SLC16A7: variants seen among roughly 807,000 people sequenced by gnomAD.
SLC16A7 encodes solute carrier family 16 member 7.
Under a neutral mutation model 34.9 loss-of-function variants are expected in SLC16A7, and 33 were observed. That is an observed-to-expected ratio of 0.94 (90% CI 0.72 to 1.26). The LOEUF is 1.26. Ranked by LOEUF, SLC16A7 falls within the 50% of genes most tolerant of loss-of-function variation. The probability of loss-of-function intolerance (pLI) is 0.00; values close to 1 mark genes in which losing one functional copy is unlikely to be tolerated. For synonymous variants in SLC16A7, 201 were observed against 206.6 expected, an observed-to-expected ratio of 0.97 and a Z score of 0.23; for missense variants, 573 against 578.1, an observed-to-expected ratio of 0.99 and a Z score of 0.09.
At chr12:59,745,853 G>C (rs1878836399) in intron 3 of SLC16A7, among the ~76,000 whole-genome samples, 1 of 152,150 alleles carries the variant, frequency 6.6e-6, no homozygotes, top group Non-Finnish European at 1.5e-5. Context: ...TCAGTGCCTA[G>C]AGCTATGTTT....
At chr12:59,708,173 A>G (rs1021073480) in intron 3 of SLC16A7, among the ~76,000 whole-genome samples, 4 of 152,110 alleles carry the variant, frequency 2.6e-5, no homozygotes, top group Non-Finnish European at 5.9e-5. Context: ...AGTCTGATAT[A>G]GTCAGTTAAT....
At chr12:59,660,541 CAA>C (rs201006070) in intron 2 of SLC16A7, among the ~76,000 whole-genome samples, 9 of 111,476 alleles carry the variant, frequency 8.1e-5, no homozygotes, top group African/African-American at 1.4e-4. Flanking sequence ...CTTGTCTCTA[CAA>C]AAAAAAAAAA....
intron 1 of SLC16A7, among the ~76,000 whole-genome samples, chr12:59,610,134 G>T (rs943551514): frequency 4.5e-4 from 69 of 151,958 alleles, no homozygotes; most frequent in African/African-American, 1.6e-3. Flanking sequence ...CTCCCTCTTT[G>T]CACACACAAT....
chr12:59,771,326 G>T lies in SLC16A7; in HGVS notation c.325G>T (p.Val109Leu), dbSNP rs768677776. Residue 109 changes from valine (V) to leucine (L), a missense_variant, in exon 4 of 6, where the codon GTG becomes TTG. Transcript: ENST00000547379. ...GGTGTTGGCCTCCTTTAGTAGCAGC[G>T]TGGTACAGCTGTACCTCACTATGGG... Reference protein sequence around the residue: ...GMVLASFSSSVVQLYLTMGFI... With the variant: ...GMVLASFSSSLVQLYLTMGFI... The T allele has an allele frequency of 6.2e-7, 1 of 1,612,428 alleles. No homozygotes were observed. Among genetic ancestry groups the T allele is most frequent in the Non-Finnish European group, 8.5e-7 (1 of 1,179,110 alleles).
Position 59,629,095 on chromosome 12 carries a change from T to C in SLC16A7, c.-129-26057T>C, listed in dbSNP as rs149940965. ...CCATCTTCTTGCTGTCCTCACATCATAGGCCTGGGAGAAGCCAGCAAGTTC... is the reference window on the plus strand; with the variant it reads ...CCATCTTCTTGCTGTCCTCACATCACAGGCCTGGGAGAAGCCAGCAAGTTC... On this transcript the variant is annotated intron_variant, in intron 1 of 5. Transcript: ENST00000547379. 6.3e-3 allele frequency among the ~76,000 whole-genome samples: 962 copies of C among 151,926 alleles called. 5 individuals are homozygous for C. Among genetic ancestry groups the C allele is most frequent in the Middle Eastern group, 0.014 (4 of 294 alleles).
intron 3 of SLC16A7, among the ~76,000 whole-genome samples, chr12:59,754,272 G>A (rs781244676): frequency 1.2e-4 from 19 of 152,064 alleles, no homozygotes; most frequent in Non-Finnish European, 2.8e-4. Flanking sequence ...AGAACTGAAG[G>A]AAATAGAGAC....
intron 3 of SLC16A7, chr12:59,720,329 T>C: frequency 2.0e-6 from 1 of 489,566 alleles, no homozygotes; most frequent in Non-Finnish European, 3.5e-6. Flanking sequence ...TGTGAGACCA[T>C]AATTAGTACC....
At chr12:59,740,720 G>A (rs982112792) in intron 3 of SLC16A7, among the ~76,000 whole-genome samples, 93 of 152,242 alleles carry the variant, frequency 6.1e-4, no homozygotes, top group Non-Finnish European at 9.9e-4. Context: ...GGGCAATCAG[G>A]CAGGAGAAGG....
At chr12:59,710,740 G>T (rs1295238846) in intron 3 of SLC16A7, among the ~76,000 whole-genome samples, 1 of 152,100 alleles carries the variant, frequency 6.6e-6, no homozygotes, top group East Asian at 1.9e-4. Flanking sequence ...TCAAAAATAT[G>T]TTATTATATC....
At position 59,775,302 on chromosome 12, in the gene SLC16A7, A is replaced by T. The variant is rs754693799; in HGVS notation, c.1007A>T (p.Asp336Val). 7 of 1,614,156 alleles carry T rather than the reference A, an allele frequency of 4.3e-6. No individual in the cohort carries two copies. The South Asian group carries it at 7.7e-5, about 18-fold the overall frequency. The change falls in exon 5 of 6, where the codon GAC becomes GTC. Residue 336 changes from aspartate to valine, a missense_variant. Coordinates refer to ENST00000547379, the MANE Select transcript of SLC16A7 (RefSeq NM_001270623.2). ...CACCTCTTGTGCCCACTGGCACAGG[A>T]CTACACAAGCCTGGTATTATATGCT... ...VCHLLCPLAQDYTSLVLYAVF... is the reference protein window; with the variant it reads ...VCHLLCPLAQVYTSLVLYAVF...
chr12:59,731,187 T>C (rs1876912258), intron 3 of SLC16A7, among the ~76,000 whole-genome samples: 1 of 152,208 alleles, frequency 6.6e-6, no homozygotes, highest in Non-Finnish European at 1.5e-5. Context: ...AAATGTTTGT[T>C]CAAAATTTAT....
At chr12:59,611,559 A>G (rs1879194026) in intron 1 of SLC16A7, among the ~76,000 whole-genome samples, 1 of 152,218 alleles carries the variant, frequency 6.6e-6, no homozygotes, top group South Asian at 2.1e-4. Context: ...ACATTTTATA[A>G]CAAAATCATG....
At chr12:59,662,956 T>C (rs2137032312) in intron 2 of SLC16A7, among the ~76,000 whole-genome samples, 1 of 152,218 alleles carries the variant, frequency 6.6e-6, no homozygotes, top group Middle Eastern at 3.4e-3. Flanking sequence ...AAAGAAAATA[T>C]GTGATTTATA....
intron 1 of SLC16A7, among the ~76,000 whole-genome samples, chr12:59,647,928 C>A (rs1305634254): frequency 1.3e-5 from 2 of 152,088 alleles, no homozygotes; most frequent in African/African-American, 4.8e-5. Flanking sequence ...TGGAACATGC[C>A]TGTAGTCCCT....
chr12:59,693,295 A>G (rs1331563724), intron 2 of SLC16A7, among the ~76,000 whole-genome samples: 1 of 151,960 alleles, frequency 6.6e-6, no homozygotes, highest in Non-Finnish European at 1.5e-5. Context: ...ACTTCATAGA[A>G]TGGAGGCATG....
intron 3 of SLC16A7, chr12:59,761,213 C>T (rs1473645940): frequency 8.7e-7 from 1 of 1,145,190 alleles, no homozygotes; most frequent in Admixed American, 2.3e-5. Flanking sequence ...GTACATGAAA[C>T]TGTATTGTTA....
intron 1 of SLC16A7, among the ~76,000 whole-genome samples, chr12:59,618,927 T>A (rs1299223479): frequency 6.6e-6 from 1 of 152,086 alleles, no homozygotes; most frequent in Non-Finnish European, 1.5e-5. Context: ...TAAAGTTTAA[T>A]GCTGATATAA....
intron 3 of SLC16A7, among the ~76,000 whole-genome samples, chr12:59,770,750 TGAA>T (rs1295212260): frequency 3.9e-5 from 6 of 152,216 alleles, no homozygotes; most frequent in African/African-American, 1.4e-4. Context: ...AAATCACTGT[TGAA>T]GATAATTTTA....
At chr12:59,637,068 A>G (rs1273435897) in intron 1 of SLC16A7, among the ~76,000 whole-genome samples, 2 of 152,130 alleles carry the variant, frequency 1.3e-5, no homozygotes, top group African/African-American at 4.8e-5. Context: ...ATGTCACATG[A>G]TTCAAATGTA....
Sources: gnomAD v4.1 joint callset for allele counts (sites outside exome capture counted in the v4.1 genomes callset) on GRCh38, gnomAD v4.1.1 for gene constraint, MANE v1.5 for transcripts, NCBI Gene and HGNC (gene_info 2026-07-23, HGNC 2026-07-21) for gene names.